Variants in WDR4 observed in about 807,000 individuals in gnomAD.
WDR4 encodes WDR4 tRNA N7-guanosine methyltransferase non-catalytic subunit, also known as tRNA (guanine-N(7)-)-methyltransferase non-catalytic subunit WDR4.
WDR4 carries 47 observed loss-of-function variants against 48.6 expected under a neutral mutation model. That is an observed-to-expected ratio of 0.97 (90% confidence interval 0.77 to 1.23). The LOEUF (loss-of-function observed/expected upper bound fraction) is 1.23, where lower values mean the gene tolerates loss of function less well. WDR4 is among the 50% of genes most tolerant of loss of function. The probability of loss-of-function intolerance (pLI) is 0.00; values close to 1 mark genes in which losing one functional copy is unlikely to be tolerated. For missense variants in WDR4, 606 were observed against 551.6 expected (o/e 1.10, Z -0.99); for synonymous variants, 268 against 230.0 (o/e 1.17, Z -1.49).
chr21:42,846,247 T>C (rs2057710422), downstream of WDR4, among the ~76,000 whole-genome samples: 1 of 152,186 alleles, frequency 6.6e-6, no homozygotes, highest in Non-Finnish European at 1.5e-5. Flanking sequence ...CTGTGGGATT[T>C]TCACACAATG....
At chr21:42,853,866 C>T (rs2057910568) in intron 8 of WDR4, 114 bp from the exon 9 acceptor site, 8 of 1,165,248 alleles carry the variant, frequency 6.9e-6, no homozygotes, top group South Asian at 1.5e-5. Flanking sequence ...GGAGAGCCTA[C>T]GCTGAAAGCC....
chr21:42,851,037 G>A (rs961643035), intron 10 of WDR4, among the ~76,000 whole-genome samples: 3 of 152,102 alleles, frequency 2.0e-5, no homozygotes, highest in Admixed American at 6.6e-5. Context: ...AGCCCTCCCC[G>A]GTCCCTCTCC....
At chr21:42,876,829 T>A (rs1429121626) in intron 1 of WDR4, 62 bp from the exon 2 acceptor site, 1 of 1,521,036 alleles carries the variant, frequency 6.6e-7, no homozygotes, top group African/African-American at 1.4e-5. Flanking sequence ...ACAAATTTTT[T>A]TTTTTTGAGA....
At chr21:42,892,580 G>A in the WDR4 span, among the ~76,000 whole-genome samples, 1 of 152,086 alleles carries the variant, frequency 6.6e-6, no homozygotes, top group Non-Finnish European at 1.5e-5. Context: ...GTCCATCTCC[G>A]ATGAAATGCG....
intron 3 of WDR4, among the ~76,000 whole-genome samples, chr21:42,868,919 G>C (rs1281799575): frequency 6.6e-6 from 1 of 152,252 alleles, no homozygotes; most frequent in Non-Finnish European, 1.5e-5. Flanking sequence ...AGAGGTACAA[G>C]GAAACACTAG....
downstream of WDR4, among the ~76,000 whole-genome samples, chr21:42,844,565 G>A (rs965076065): frequency 6.6e-6 from 1 of 152,214 alleles, no homozygotes; most frequent in Non-Finnish European, 1.5e-5. Flanking sequence ...CTGGATCTTG[G>A]TGAGAACCTC....
At chr21:42,848,894 C>T (rs1349163440), downstream of WDR4, among the ~76,000 whole-genome samples, 1 of 83,324 alleles carries the variant, frequency 1.2e-5, no homozygotes, top group Admixed American at 9.9e-5. Context: ...GATCACGCGG[C>T]GCACACCTCA....
At chr21:42,873,365 G>A (rs1343268370) in intron 3 of WDR4, among the ~76,000 whole-genome samples, 186 bp downstream of exon 3, 2 of 152,272 alleles carry the variant, frequency 1.3e-5, no homozygotes, top group Non-Finnish European at 1.5e-5. Flanking sequence ...CACCCTCCCA[G>A]AACTGCCGTG....
intron 6 of WDR4, among the ~76,000 whole-genome samples, chr21:42,859,155 T>C (rs1288151398): frequency 6.6e-6 from 1 of 151,980 alleles, no homozygotes; most frequent in East Asian, 1.9e-4. Flanking sequence ...CGCTCGAGCC[T>C]GTGGTCCCAG....
upstream of WDR4, among the ~76,000 whole-genome samples, chr21:42,880,121 ACT>A (rs1191123461): frequency 1.4e-5 from 2 of 145,136 alleles, no homozygotes; most frequent in South Asian, 2.2e-4. Context: ...ACAGAGCGAG[ACT>A]CTCTCTCAAA....
the WDR4 span, among the ~76,000 whole-genome samples, chr21:42,891,370 A>G: frequency 5.3e-5 from 8 of 150,916 alleles, no homozygotes; most frequent in Admixed American, 5.3e-4. Context: ...CCCCTCAACC[A>G]TAGGTACCCC....
chr21:42,854,616 G>A lies in WDR4; in HGVS notation c.737C>T (p.Ala246Val), dbSNP rs199713565. ...CTGGCACCAGAATGCAATCCTGGAC[G>A]CGGCAAACTTCTAAAAGGAGAAGAA... ...VDPQAPQKFA[A>V]SRIAFWCQEN... Residue 246 changes from alanine (A) to valine (V), a missense_variant, in exon 8 of 11, where the codon GCG (alanine) becomes GTG (valine). Coordinates refer to ENST00000398208, the MANE Select transcript of WDR4 (RefSeq NM_018669.6). 3.4e-5 allele frequency: 55 copies of A among 1,613,648 alleles called. No homozygotes were observed. Among genetic ancestry groups the A allele is most frequent in the African/African-American group, 8.0e-5 (6 of 75,040 alleles).
In WDR4 at chr21:42,879,479, C is replaced by T; in HGVS notation, c.17G>A (p.Gly6Glu). The change falls in exon 1 of 11, where the codon GGA becomes GAA. Residue 6 changes from glycine to glutamate, a missense_variant. Gly to Glu is a moderately conservative substitution (Grantham distance 98, BLOSUM62 -2). Transcript: ENST00000398208. MAGSV[G>E]LALCGQTLVV... ...CAACGTCTGCCCGCACAACGCCAGT[C>T]CCACAGAGCCCGCCATGTACCCGCC... 2 of 1,613,630 alleles carry T rather than the reference C, an allele frequency of 1.2e-6. No homozygotes were observed. Among genetic ancestry groups the T allele is most frequent in the South Asian group, 2.2e-5 (2 of 91,064 alleles).
chr21:42,886,300 AC>A, the WDR4 span, among the ~76,000 whole-genome samples: 5 of 152,226 alleles, frequency 3.3e-5, no homozygotes, highest in Admixed American at 2.0e-4. Context: ...ATTTAGGAGC[AC>A]CTTTTCCTCT....
chr21:42,862,499 G>T lies in WDR4; in HGVS notation c.454-105C>A, dbSNP rs917461843. On this transcript the variant is annotated intron_variant, in intron 4 of 10. Coordinates refer to ENST00000398208, the MANE Select transcript of WDR4 (RefSeq NM_018669.6). The surrounding 1 kb of genome is among the most constrained non-coding windows in gnomAD (Gnocchi z 4.3). ...GAAGCTGCAGCCTGGCCGCCAAGAG[G>T]ATGAGGCCTTCGAGGACAGACCAGC... 1 of 1,047,658 alleles carries T rather than the reference G, an allele frequency of 9.5e-7. No homozygotes were observed. The highest frequency in any genetic ancestry group is 1.4e-6 in the Non-Finnish European group (1 of 712,090). 64.9% of individuals were successfully genotyped at this position (1,047,658 alleles called of 1,614,324 possible). A position where few individuals can be genotyped will look rare whatever the true frequency, so the allele number is the denominator to read the frequency against.
At chr21:42,892,542 C>T in the WDR4 span, among the ~76,000 whole-genome samples, 1 of 124,548 alleles carries the variant, frequency 8.0e-6, no homozygotes, top group Non-Finnish European at 1.6e-5. Context: ...GGCAGGGCCT[C>T]TTCCCCTGTG....
intron 2 of WDR4, among the ~76,000 whole-genome samples, chr21:42,875,747 A>G (rs917561599): frequency 5.9e-5 from 9 of 152,120 alleles, no homozygotes; most frequent in African/African-American, 1.4e-4. Context: ...CCACAATACC[A>G]ATGATAACTA....
downstream of WDR4, among the ~76,000 whole-genome samples, chr21:42,848,595 G>A (rs1318299699): frequency 4.6e-5 from 3 of 64,558 alleles, no homozygotes; most frequent in Non-Finnish European, 7.9e-5. Flanking sequence ...ACACGATCAC[G>A]CAGCGTGCAC....
chr21:42,863,536 C>T lies in WDR4; in HGVS notation c.357G>A (p.Val119=). Residue 119 remains valine (V), a synonymous_variant, in exon 4 of 11, where the codon GTG becomes GTA. Transcript: ENST00000398208. ...AGTAGACGTCTCCAGACTTGTCGGC[C>T]ACCAAGACCTTCTCCTCCGAGGCTA... ...TFIASEEKVL[V]ADKSGDVYSF... is the part of the protein sequence containing the mutation. The T allele has an allele frequency of 1.2e-6, 2 of 1,614,046 alleles. No individual in the cohort carries two copies. The highest frequency in any genetic ancestry group is 1.1e-5 in the South Asian group (1 of 91,064).
Sources: allele counts gnomAD v4.1 joint callset (sites outside exome capture counted in the v4.1 genomes callset), GRCh38; gene constraint gnomAD v4.1.1; non-coding constraint Gnocchi (gnomAD v3.1); transcripts MANE v1.5; gene names NCBI Gene and HGNC (gene_info 2026-07-23, HGNC 2026-07-21).